Variants in ERBB4 observed in about 807,000 individuals in gnomAD.
ERBB4 encodes the protein erb-b2 receptor tyrosine kinase 4.
ERBB4 carries 42 observed loss-of-function variants against 158.0 expected under a neutral mutation model. That is an observed-to-expected ratio of 0.27 (90% CI 0.21 to 0.34). The LOEUF (loss-of-function observed/expected upper bound fraction) is 0.34. Among genes scored for constraint, ERBB4 ranks in the 10% least tolerant of loss-of-function variants. ERBB4 has a pLI of 1.00. For synonymous variants in ERBB4, 583 were observed against 558.7 expected (o/e 1.04, Z -0.61); for missense variants, 1,333 against 1,624.1 (o/e 0.82, Z 3.08).
intron 2 of ERBB4, among the ~76,000 whole-genome samples, chr2:212,056,607 G>C (rs1203295355): frequency 6.6e-6 from 1 of 152,188 alleles, no homozygotes; most frequent in African/African-American, 2.4e-5. Flanking sequence ...AGACAGAAGA[G>C]AGTGGAGACC....
chr2:212,198,900 C>A (rs542683685), intron 1 of ERBB4, among the ~76,000 whole-genome samples: 1 of 151,914 alleles, frequency 6.6e-6, no homozygotes, highest in Non-Finnish European at 1.5e-5. Context: ...CATTTTTTAT[C>A]CCTTCATCTG....
At chr2:211,702,713 C>T (rs1029305117) in intron 11 of ERBB4, among the ~76,000 whole-genome samples, 7 of 152,052 alleles carry the variant, frequency 4.6e-5, no homozygotes, top group Non-Finnish European at 5.9e-5. Context: ...TGTAAAGAAT[C>T]AAACTAAACT....
Position 212,318,775 on chromosome 2 carries a change from G to T in ERBB4, c.83-193872C>A, listed in dbSNP as rs115079261. Among the ~76,000 whole-genome samples, 278 of 151,610 alleles carry T rather than the reference G, an allele frequency of 1.8e-3. 3 individuals are homozygous for T. Among genetic ancestry groups the T allele is most frequent in the African/African-American group, 6.4e-3 (265 of 41,440 alleles). On this transcript the variant is annotated intron_variant, in intron 1 of 27. Transcript: ENST00000342788. ...TGTTTCCTGTGGTTTTGCTTAAAAG[G>T]CTTCTTATTTTTTATCATGTAAGTC...
At position 212,384,076 on chromosome 2, in the gene ERBB4, G is replaced by T. The variant is rs767297538; in HGVS notation, c.82+154373C>A. Among the ~76,000 whole-genome samples, 7 of 151,552 alleles carry T rather than the reference G, an allele frequency of 4.6e-5. No individual in the cohort carries two copies. The Admixed American group carries it at 4.6e-4, about 10-fold the overall frequency. On this transcript the variant is annotated intron_variant, in intron 1 of 27. Coordinates refer to ENST00000342788, the MANE Select transcript of ERBB4 (RefSeq NM_005235.3). ...ATTTTAGAATAAAGGTGTCCTAAAG[G>T]TTATGAGAGTACTGTTAATACATTC...
At chr2:212,023,673 T>A (rs2125332878) in intron 2 of ERBB4, among the ~76,000 whole-genome samples, 1 of 151,938 alleles carries the variant, frequency 6.6e-6, no homozygotes, top group Admixed American at 6.6e-5. Context: ...CATATTGAAA[T>A]GGATAATATC....
At chr2:212,424,470 C>A (rs1169196470) in intron 1 of ERBB4, among the ~76,000 whole-genome samples, 3 of 152,016 alleles carry the variant, frequency 2.0e-5, no homozygotes, top group Non-Finnish European at 4.4e-5. Context: ...CATAAAAGCC[C>A]ACTTATTTTT....
At chr2:211,680,572 T>C (rs1457058099) in intron 12 of ERBB4, among the ~76,000 whole-genome samples, 1 of 152,236 alleles carries the variant, frequency 6.6e-6, no homozygotes, top group East Asian at 1.9e-4. Flanking sequence ...CAGGGAAGTC[T>C]ATCTGTGAAA....
intron 1 of ERBB4, among the ~76,000 whole-genome samples, chr2:212,528,718 A>C (rs1692583361): frequency 6.6e-6 from 1 of 152,162 alleles, no homozygotes; most frequent in South Asian, 2.1e-4. Context: ...AAATGTCTAG[A>C]AGTGCATTTT....
chr2:212,367,824 T>C (rs752967827), intron 1 of ERBB4, among the ~76,000 whole-genome samples: 14 of 151,878 alleles, frequency 9.2e-5, no homozygotes, highest in Non-Finnish European at 1.8e-4. Context: ...AACAAACATA[T>C]GAAAAAATGC....
chr2:211,432,445 G>A (rs377767029), intron 20 of ERBB4, among the ~76,000 whole-genome samples: 1 of 152,134 alleles, frequency 6.6e-6, no homozygotes, highest in African/African-American at 2.4e-5. Context: ...GTTGGGTGAC[G>A]CTGTGTGTAT....
rs977396829 is a variant in ERBB4 at position 211,378,455 on chromosome 2, G to A, written c.*5160C>T. The A allele has an allele frequency of 1.3e-5, 3 of 232,562 alleles. No homozygotes were observed. Among genetic ancestry groups the A allele is most frequent in the African/African-American group, 2.2e-5 (1 of 45,278 alleles). 14.4% of individuals were successfully genotyped at this position (232,562 alleles called of 1,614,324 possible). On this transcript the variant is annotated 3_prime_UTR_variant, in exon 28 of 28. Coordinates refer to ENST00000342788, the MANE Select transcript of ERBB4 (RefSeq NM_005235.3). Reference sequence around the variant, plus strand: ...AGTATCTGAAATTTCTATTATTTTAGAGAGACTTTTAATGAAAAGAAAAAA... The same window carrying A: ...AGTATCTGAAATTTCTATTATTTTAAAGAGACTTTTAATGAAAAGAAAAAA...
At chr2:212,483,863 A>G (rs1689840361) in intron 1 of ERBB4, among the ~76,000 whole-genome samples, 2 of 152,108 alleles carry the variant, frequency 1.3e-5, no homozygotes, top group African/African-American at 4.8e-5. Context: ...CAGCCTCCCG[A>G]GTAGCTGGGA....
intron 2 of ERBB4, among the ~76,000 whole-genome samples, chr2:212,112,107 C>G (rs1436998662): frequency 2.6e-5 from 4 of 152,122 alleles, no homozygotes; most frequent in Non-Finnish European, 5.9e-5. Context: ...TCCTTACAGC[C>G]TCAAACTCCT....
chr2:212,500,831 A>G lies in ERBB4; in HGVS notation c.82+37618T>C, dbSNP rs1197469367. Among the ~76,000 whole-genome samples the G allele has an allele frequency of 3.9e-5, 6 of 152,202 alleles. No individual in the cohort carries two copies. The East Asian group carries it at 1.2e-3, about 29-fold the overall frequency. On this transcript the variant is annotated intron_variant, in intron 1 of 27. Coordinates refer to ENST00000342788, the MANE Select transcript of ERBB4 (RefSeq NM_005235.3). ...TAAAAGAGGAAAAGAAGGAGATTTA[A>G]AAAAGCAACCTGCTAATCTTAGAAA...
At chr2:212,312,075 G>A (rs551675875) in intron 1 of ERBB4, among the ~76,000 whole-genome samples, 80 of 151,084 alleles carry the variant, frequency 5.3e-4, no homozygotes, top group African/African-American at 1.9e-3. Context: ...TCTGAAGAAA[G>A]CGAAGATTTT....
At chr2:211,498,999 T>C (rs189857668) in intron 20 of ERBB4, among the ~76,000 whole-genome samples, 39 of 152,232 alleles carry the variant, frequency 2.6e-4, no homozygotes, top group Admixed American at 2.4e-3. Flanking sequence ...ACGAAGACAG[T>C]AGCCTCACCT....
chr2:211,904,110 T>C (rs935619625), intron 3 of ERBB4, among the ~76,000 whole-genome samples: 4 of 152,106 alleles, frequency 2.6e-5, no homozygotes, highest in Non-Finnish European at 5.9e-5. Context: ...CTGTTCCAAG[T>C]ATTGAAGATA....
chr2:212,026,303 G>T (rs543741297), intron 2 of ERBB4, among the ~76,000 whole-genome samples: 1 of 151,476 alleles, frequency 6.6e-6, no homozygotes. Context: ...CACCTATAAG[G>T]TTCCTAATAG....
chr2:211,383,503 G>C lies in ERBB4; in HGVS notation c.*112C>G, dbSNP rs1304841342. On this transcript the variant is annotated 3_prime_UTR_variant, in exon 28 of 28. Transcript: ENST00000342788. The stretch of plus-strand genomic sequence containing the variant: ...CATTGCATCTCTGTATCTTCCACTG[G>C]GAAGTGTCAAAACTACTGGCCTTGG... The C allele has an allele frequency of 1.2e-6, 1 of 814,536 alleles. No individual in the cohort carries two copies. Among genetic ancestry groups the C allele is most frequent in the Non-Finnish European group, 2.1e-6 (1 of 472,894 alleles). 50.5% of individuals were successfully genotyped at this position (814,536 alleles called of 1,614,324 possible).
Sources: allele counts gnomAD v4.1 joint callset (sites outside exome capture counted in the v4.1 genomes callset), GRCh38; gene constraint gnomAD v4.1.1; transcripts MANE v1.5; gene names NCBI Gene and HGNC (gene_info 2026-07-23, HGNC 2026-07-21).